The following TDRD1 variants were observed in gnomAD, a reference collection of about 807,000 sequenced individuals.
TDRD1 encodes tudor domain-containing protein 1.
In TDRD1, 37 loss-of-function variants were observed where a neutral mutation model predicts 140.6. That is an observed-to-expected ratio of 0.26 (90% confidence interval 0.20 to 0.35). The LOEUF (loss-of-function observed/expected upper bound fraction) is 0.35. Ranked by LOEUF, TDRD1 falls within the 10% of genes least tolerant of loss-of-function variation. The probability of loss-of-function intolerance (pLI) is 1.00; values close to 1 mark genes in which losing one functional copy is unlikely to be tolerated. For synonymous variants in TDRD1, 506 were observed against 475.7 expected (o/e 1.06, Z -0.83); for missense variants, 1,243 against 1,393.0 (o/e 0.89, Z 1.71).
chr10:114,194,757 G>T, intron 3 of TDRD1, among the ~76,000 whole-genome samples: 1 of 134,862 alleles, frequency 7.4e-6, no homozygotes, highest in African/African-American at 2.8e-5. Flanking sequence ...GTTGGTTGTT[G>T]GTTTTTTTTT....
At chr10:114,230,968 G>A (rs1167866696) in intron 25 of TDRD1, among the ~76,000 whole-genome samples, 3 of 152,206 alleles carry the variant, frequency 2.0e-5, no homozygotes, top group Non-Finnish European at 4.4e-5. Flanking sequence ...TGGGGAGGCT[G>A]AGGCAGGAGA....
intron 3 of TDRD1, among the ~76,000 whole-genome samples, chr10:114,193,847 A>G (rs1304787147): frequency 6.6e-6 from 1 of 152,156 alleles, no homozygotes; most frequent in Non-Finnish European, 1.5e-5. Context: ...GTTTTTGTAG[A>G]TGTTCTTTAT....
At chr10:114,182,828 G>A (rs2033194250) in intron 1 of TDRD1, among the ~76,000 whole-genome samples, 1 of 151,976 alleles carries the variant, frequency 6.6e-6, no homozygotes, top group Non-Finnish European at 1.5e-5. Flanking sequence ...GGGACTACAG[G>A]CACCCGCCAC....
At chr10:114,179,679 T>G (rs1232866750) in intron 1 of TDRD1, 1 of 152,252 alleles carries the variant, frequency 6.6e-6, no homozygotes, top group East Asian at 1.9e-4. Flanking sequence ...AAGAGAAACT[T>G]GCATGTGGAT....
At chr10:114,232,327 G>A (rs1316313379), downstream of TDRD1, 2 of 150,930 alleles carry the variant, frequency 1.3e-5, no homozygotes, top group Non-Finnish European at 1.5e-5. Context: ...AAAACGAAGA[G>A]TGTATATTTT....
intron 1 of TDRD1, among the ~76,000 whole-genome samples, chr10:114,187,051 C>A (rs1564932122): frequency 6.6e-6 from 1 of 152,288 alleles, no homozygotes; most frequent in East Asian, 1.9e-4. Context: ...TTCCCCTGGG[C>A]AGGGCACTTA....
intron 5 of TDRD1, 70 bp downstream of exon 5, chr10:114,201,585 A>T: frequency 7.7e-7 from 1 of 1,306,220 alleles, no homozygotes; most frequent in East Asian, 2.3e-5. Context: ...GCGTCCAATT[A>T]GTTAAGCAGA....
chr10:114,185,296 T>C (rs1172235284), intron 1 of TDRD1, among the ~76,000 whole-genome samples: 1 of 152,160 alleles, frequency 6.6e-6, no homozygotes, highest in Non-Finnish European at 1.5e-5. Flanking sequence ...TTCAAGCTAT[T>C]CTCCTGCCTC....
At chr10:114,215,984 A>G (rs560812431) in intron 16 of TDRD1, among the ~76,000 whole-genome samples, 21 of 152,254 alleles carry the variant, frequency 1.4e-4, no homozygotes, top group African/African-American at 4.6e-4. Flanking sequence ...TTCTTCCACT[A>G]CATTTTGGAT....
chr10:114,214,673 A>T (rs1327004805), intron 16 of TDRD1, among the ~76,000 whole-genome samples: 1 of 152,164 alleles, frequency 6.6e-6, no homozygotes, highest in African/African-American at 2.4e-5. Context: ...TCAAGCAATA[A>T]AACATTACCA....
intron 14 of TDRD1, among the ~76,000 whole-genome samples, chr10:114,212,799 C>T (rs1034436045): frequency 2.0e-5 from 3 of 152,132 alleles, no homozygotes; most frequent in Non-Finnish European, 4.4e-5. Flanking sequence ...ATTTTCCTAC[C>T]TACCATAATG....
intron 16 of TDRD1, among the ~76,000 whole-genome samples, chr10:114,215,277 T>C (rs1156502231): frequency 6.6e-6 from 1 of 152,232 alleles, no homozygotes; most frequent in African/African-American, 2.4e-5. Flanking sequence ...CATAGTGTTC[T>C]GTGAATTGTA....
At chr10:114,208,163 A>G (rs1382196432) in intron 11 of TDRD1, among the ~76,000 whole-genome samples, 3 of 152,148 alleles carry the variant, frequency 2.0e-5, no homozygotes, top group Non-Finnish European at 4.4e-5. Flanking sequence ...GCTGGTGAAG[A>G]GGTATAGGAT....
chr10:114,204,165 A>G (rs2034950040), exon 9 of TDRD1: 1 of 1,600,498 alleles, frequency 6.2e-7, no homozygotes, highest in East Asian at 2.2e-5. Flanking sequence ...AAATAATTCC[A>G]TTAAACAGAA....
exon 26 of TDRD1, chr10:114,231,521 A>G (rs1408471409): frequency 6.3e-7 from 1 of 1,594,650 alleles, no homozygotes; most frequent in African/African-American, 1.4e-5. Context: ...CTTATGAGAC[A>G]GGAAACAGCA....
chr10:114,184,757 G>T (rs936628161), intron 1 of TDRD1, among the ~76,000 whole-genome samples: 2 of 152,078 alleles, frequency 1.3e-5, no homozygotes, highest in East Asian at 3.9e-4. Flanking sequence ...TTGTCACATG[G>T]TTATGTTTGC....
intron 3 of TDRD1, among the ~76,000 whole-genome samples, chr10:114,191,797 A>G (rs756605955): frequency 6.6e-6 from 1 of 152,178 alleles, no homozygotes; most frequent in Non-Finnish European, 1.5e-5. Context: ...ACTGCCAAAT[A>G]TTTTCCAGAG....
At chr10:114,200,159 C>T (rs1469906887) in intron 4 of TDRD1, among the ~76,000 whole-genome samples, 2 of 152,208 alleles carry the variant, frequency 1.3e-5, no homozygotes, top group East Asian at 3.8e-4. Context: ...TTGGAATTGT[C>T]ATATGCCTCT....
intron 21 of TDRD1, among the ~76,000 whole-genome samples, chr10:114,224,040 T>A (rs947607145): frequency 6.6e-6 from 1 of 152,182 alleles, no homozygotes; most frequent in Non-Finnish European, 1.5e-5. Context: ...CCCACCTTGT[T>A]TTTTGGATCC....
Sources: gnomAD v4.1 joint callset for allele counts (sites outside exome capture counted in the v4.1 genomes callset) on GRCh38, gnomAD v4.1.1 for gene constraint, MANE v1.5 for transcripts, NCBI Gene and HGNC (gene_info 2026-07-23, HGNC 2026-07-21) for gene names.